The following DSC2 variants were observed in gnomAD, a reference collection of about 807,000 sequenced individuals.
DSC2 encodes desmocollin 2.
In DSC2, 51 loss-of-function variants were observed where a neutral mutation model predicts 87.6. The ratio of observed to expected loss-of-function variants is 0.58; its 90% CI spans 0.46 to 0.74. The LOEUF (loss-of-function observed/expected upper bound fraction) is 0.74, where lower values mean the gene tolerates loss of function less well. Among genes scored for constraint, DSC2 ranks in the 30% least tolerant of loss-of-function variants. The pLI, the probability that DSC2 is intolerant of heterozygous loss-of-function variation, is 0.00. For missense variants in DSC2, 1,066 were observed against 1,089.5 expected (o/e 0.98, Z 0.30); for synonymous variants, 383 against 393.2 (o/e 0.97, Z 0.31).
intron 1 of DSC2, chr18:31,101,548 G>GGCGCACTCCGA: frequency 4.1e-6 from 1 of 245,492 alleles, no homozygotes; most frequent in Non-Finnish European, 7.6e-6. Flanking sequence ...GCGCACTCCC[G>GGCGCACTCCGA]CCCCGGCGCA....
chr18:31,091,348 C>T (rs1025667166), intron 3 of DSC2, among the ~76,000 whole-genome samples: 8 of 151,944 alleles, frequency 5.3e-5, no homozygotes, highest in Non-Finnish European at 1.2e-4. Flanking sequence ...CACAACAATC[C>T]TCTTGGGAAA....
chr18:31,101,668 C>A (rs1429252024), intron 1 of DSC2: 1 of 524,826 alleles, frequency 1.9e-6, no homozygotes, highest in Non-Finnish European at 3.3e-6. Context: ...TCCTTGAGTG[C>A]GCTGATTACA....
chr18:31,059,952 G>T lies in DSC2; in HGVS notation c.*8063C>A, dbSNP rs1986469345. The T allele has an allele frequency of 6.6e-5, 10 of 152,060 alleles. No homozygotes were observed. Among genetic ancestry groups the T allele is most frequent in the Admixed American group, 6.6e-4 (10 of 15,256 alleles). The allele number at this position is 152,060 out of a possible 1,614,324, so 9.4% of individuals were successfully genotyped here. A position where few individuals can be genotyped will look rare whatever the true frequency, so the allele number is the denominator to read the frequency against. The stretch of plus-strand genomic sequence containing the variant: ...GAATTATATAATTTATTCCTAATTT[G>T]TCCTTATTTGATATGCTAGAAATTT... On this transcript the variant is annotated 3_prime_UTR_variant, in exon 16 of 16. Transcript: ENST00000280904.
rs1458351294 is a variant in DSC2, at chr18:31,074,843, G to A, written c.1728C>T (p.Phe576=). 6.2e-7 allele frequency: 1 copy of A among 1,613,948 alleles called. No individual in the cohort carries two copies. The highest frequency in any genetic ancestry group is 2.2e-5 in the East Asian group (1 of 44,816). Reference sequence around the variant, plus strand: ...AGATGATCACTGTCTTTTTAGGTATGAATGGGCTGTTATCATTCACGTCTT... The same window carrying A: ...AGATGATCACTGTCTTTTTAGGTATAAATGGGCTGTTATCATTCACGTCTT... ...ILQDVNDNSP[F]IPKKTVIICK... Residue 576 remains phenylalanine, a synonymous_variant, in exon 12 of 16, where the codon TTC becomes TTT. Coordinates refer to ENST00000280904, the MANE Select transcript of DSC2 (RefSeq NM_024422.6).
intron 15 of DSC2, 98 bp from the exon 16 acceptor site, chr18:31,068,310 T>C (rs1315376954): frequency 6.2e-7 from 1 of 1,613,738 alleles, no homozygotes; most frequent in South Asian, 1.1e-5. Flanking sequence ...TTTCATTGTT[T>C]AATTTTTAAT....
rs959789879 is a variant in DSC2, at chr18:31,062,890, G to A, written c.*5125C>T. 6.6e-6 allele frequency: 1 copy of A among 152,134 alleles called. No homozygotes were observed. Among genetic ancestry groups the A allele is most frequent in the Non-Finnish European group, 1.5e-5 (1 of 68,024 alleles). The allele number at this position is 152,134 out of a possible 1,614,324, so 9.4% of individuals were successfully genotyped here. On this transcript the variant is annotated 3_prime_UTR_variant, in exon 16 of 16. Transcript: ENST00000280904. ...TTCTAGTCATTCAATGTCTTCTGAGGAAAAACAATTCAGTGCAGAATCTAA... is the reference window on the plus strand; with the variant it reads ...TTCTAGTCATTCAATGTCTTCTGAGAAAAAACAATTCAGTGCAGAATCTAA...
chr18:31,080,262 C>T lies in DSC2; in HGVS notation c.1354G>A (p.Ala452Thr), dbSNP rs570979787. ...ACAGTAACTGTTGCTGTGCTCATGG[C>T]TGATCTTGGACTAGCCTCTCTGGAA... ...PFSREASPRS[A>T]MSTATVTVNV... Residue 452 changes from alanine to threonine, a missense_variant, in exon 10 of 16, where the codon GCC becomes ACC. By Grantham distance (58) the Ala-to-Thr change is moderately conservative (BLOSUM62 0). Coordinates refer to ENST00000280904, the MANE Select transcript of DSC2 (RefSeq NM_024422.6). 1 of 1,613,954 alleles carries T rather than the reference C, an allele frequency of 6.2e-7. No individual in the cohort carries two copies. Among genetic ancestry groups the T allele is most frequent in the African/African-American group, 1.3e-5 (1 of 74,908 alleles).
At chr18:31,091,756 G>GA (rs1987606781) in intron 3 of DSC2, among the ~76,000 whole-genome samples, 1 of 152,072 alleles carries the variant, frequency 6.6e-6, no homozygotes. Flanking sequence ...ATGAATGCGA[G>GA]AAAAAAGCTT....
At chr18:31,100,015 C>T (rs1263638247) in intron 1 of DSC2, among the ~76,000 whole-genome samples, 1 of 152,144 alleles carries the variant, frequency 6.6e-6, no homozygotes, top group Non-Finnish European at 1.5e-5. Context: ...GGACCACAGG[C>T]GCGCACCCCA....
chr18:31,079,366 G>A (rs1256807732), intron 11 of DSC2, among the ~76,000 whole-genome samples: 1 of 152,090 alleles, frequency 6.6e-6, no homozygotes, highest in Non-Finnish European at 1.5e-5. Flanking sequence ...CAATTCTCCT[G>A]CCTCAGCCTC....
intron 7 of DSC2, among the ~76,000 whole-genome samples, chr18:31,084,224 T>C (rs532789620): frequency 2.0e-5 from 3 of 152,268 alleles, no homozygotes; most frequent in East Asian, 1.9e-4. Flanking sequence ...TTAACACACA[T>C]AATTTTCCAG....
chr18:31,076,685 T>C (rs547027108), intron 11 of DSC2, among the ~76,000 whole-genome samples: 1 of 152,232 alleles, frequency 6.6e-6, no homozygotes, highest in South Asian at 2.1e-4. Context: ...GTTAAAGAGA[T>C]TAATAGCTGA....
chr18:31,091,308 T>C (rs1245768178), intron 3 of DSC2, among the ~76,000 whole-genome samples, 161 bp from the exon 4 acceptor site: 6 of 152,110 alleles, frequency 3.9e-5, no homozygotes, highest in Admixed American at 1.3e-4. Flanking sequence ...TGCAAAAAGA[T>C]AATGAAGAAG....
intron 7 of DSC2, among the ~76,000 whole-genome samples, chr18:31,084,339 G>T (rs1177129860): frequency 6.6e-6 from 1 of 152,076 alleles, no homozygotes; most frequent in African/African-American, 2.4e-5. Context: ...TTTCAAGAAG[G>T]AATACATATT....
chr18:31,074,640 T>A (rs764700972), intron 12 of DSC2, 43 bp downstream of exon 12: 12 of 1,538,046 alleles, frequency 7.8e-6, no homozygotes, highest in Non-Finnish European at 9.8e-6. Context: ...ATCGCAGACA[T>A]CCTGATGTTG....
chr18:31,088,927 G>A (rs1480160082), intron 5 of DSC2, among the ~76,000 whole-genome samples: 1 of 152,102 alleles, frequency 6.6e-6, no homozygotes, highest in African/African-American at 2.4e-5. Context: ...ACTTTGGGAG[G>A]CCGACATGGG....
chr18:31,088,006 T>G (rs1030329167), intron 5 of DSC2, among the ~76,000 whole-genome samples, 193 bp from the exon 6 acceptor site: 6 of 152,222 alleles, frequency 3.9e-5, no homozygotes, highest in African/African-American at 1.4e-4. Flanking sequence ...AATATGGCAT[T>G]GTATGTTTAA....
Position 31,064,225 on chromosome 18 carries a change from G to A in DSC2, c.*3790C>T, listed in dbSNP as rs1986560310. ...TGCATTATGCACTTACTATGTGCCA[G>A]GCATTGTGTGATGTGTTTTACAGGC... On this transcript the variant is annotated 3_prime_UTR_variant, in exon 16 of 16. Transcript: ENST00000280904. The A allele has an allele frequency of 6.6e-6, 1 of 152,156 alleles. No individual in the cohort carries two copies. The highest frequency in any genetic ancestry group is 1.5e-5 in the Non-Finnish European group (1 of 68,040). 9.4% of individuals were successfully genotyped at this position (152,156 alleles called of 1,614,324 possible). A position where few individuals can be genotyped will look rare whatever the true frequency, so the allele number is the denominator to read the frequency against.
At chr18:31,085,512 C>T (rs1033920433) in intron 7 of DSC2, among the ~76,000 whole-genome samples, 2 of 151,246 alleles carry the variant, frequency 1.3e-5, no homozygotes, top group African/African-American at 4.8e-5. Context: ...TAGTTTTAAA[C>T]ATTAACAAGT....
Sources: allele counts gnomAD v4.1 joint callset (sites outside exome capture counted in the v4.1 genomes callset), GRCh38; gene constraint gnomAD v4.1.1; transcripts MANE v1.5; gene names NCBI Gene and HGNC (gene_info 2026-07-23, HGNC 2026-07-21).